The following CNTN4 variants were observed in gnomAD, a reference collection of about 807,000 sequenced individuals.
The protein encoded by CNTN4 is contactin-4.
Under a neutral mutation model 122.5 loss-of-function variants are expected in CNTN4, and 77 were observed. The observed-to-expected ratio is 0.63, with a 90% confidence interval of 0.52 to 0.76. The LOEUF is 0.76. CNTN4 is among the 30% of genes least tolerant of loss of function. The pLI, the probability that CNTN4 is intolerant of heterozygous loss-of-function variation, is 0.00. For missense variants in CNTN4, 1,256 were observed against 1,259.1 expected, an observed-to-expected ratio of 1.00 and a Z score of 0.04; for synonymous variants, 512 against 447.0, an observed-to-expected ratio of 1.15 and a Z score of -1.83.
intron 4 of CNTN4, among the ~76,000 whole-genome samples, chr3:2,683,941 A>T (rs1576449581): frequency 6.6e-6 from 1 of 152,150 alleles, no homozygotes; most frequent in Non-Finnish European, 1.5e-5. Flanking sequence ...CCTTTTAAAG[A>T]AATTCCCCAT....
chr3:2,206,318 G>A (rs2038340939), intron 2 of CNTN4, among the ~76,000 whole-genome samples: 1 of 152,058 alleles, frequency 6.6e-6, no homozygotes, highest in South Asian at 2.1e-4. Context: ...AAAGGCTTCT[G>A]TATCTAGGGA....
intron 7 of CNTN4, among the ~76,000 whole-genome samples, chr3:2,824,837 A>G (rs1317315740): frequency 6.6e-6 from 1 of 151,888 alleles, no homozygotes; most frequent in East Asian, 2.0e-4. Context: ...TAATTTTTGT[A>G]TTTTTAGTAG....
chr3:2,303,457 C>G (rs920708360), intron 2 of CNTN4, among the ~76,000 whole-genome samples: 2 of 152,116 alleles, frequency 1.3e-5, no homozygotes, highest in Non-Finnish European at 2.9e-5. Context: ...ATATGTGGTT[C>G]TTTATGACTG....
chr3:2,254,242 A>G (rs1054639194), intron 2 of CNTN4, among the ~76,000 whole-genome samples: 1 of 152,224 alleles, frequency 6.6e-6, no homozygotes, highest in East Asian at 1.9e-4. Context: ...ATGGCTGCAT[A>G]GTATTCCATG....
At chr3:2,971,175 A>C (rs1173575587) in intron 13 of CNTN4, among the ~76,000 whole-genome samples, 4 of 152,242 alleles carry the variant, frequency 2.6e-5, no homozygotes, top group African/African-American at 9.6e-5. Flanking sequence ...ATTAAGTGGA[A>C]GTGCATCATC....
rs190781135 is a variant in CNTN4, at chr3:2,509,546, G to T, written c.-88-61870G>T. Among the ~76,000 whole-genome samples the T allele has an allele frequency of 5.6e-4, 85 of 152,224 alleles. 1 individual carries two copies. Among genetic ancestry groups the T allele is most frequent in the Admixed American group, 2.0e-3 (31 of 15,294 alleles). Reference sequence around the variant, plus strand: ...CTATTGGTAATAAATCTATTCGAGGGCATGGATCTGTTTTGGGGATACTTG... The same window carrying T: ...CTATTGGTAATAAATCTATTCGAGGTCATGGATCTGTTTTGGGGATACTTG... On this transcript the variant is annotated intron_variant, in intron 3 of 24. Coordinates refer to ENST00000418658, the MANE Select transcript of CNTN4 (RefSeq NM_175607.3).
chr3:2,301,334 C>G (rs1250507919), intron 2 of CNTN4, among the ~76,000 whole-genome samples: 1 of 152,174 alleles, frequency 6.6e-6, no homozygotes, highest in African/African-American at 2.4e-5. Flanking sequence ...ATTTATTAAA[C>G]TATGAATACA....
intron 2 of CNTN4, among the ~76,000 whole-genome samples, chr3:2,295,210 G>A (rs1484892915): frequency 7.0e-6 from 1 of 142,004 alleles, no homozygotes; most frequent in Non-Finnish European, 1.5e-5. Flanking sequence ...GGATGGCTGG[G>A]TGAAATGGTA....
chr3:2,774,737 T>TA (rs2091247615), intron 6 of CNTN4, among the ~76,000 whole-genome samples: 1 of 152,202 alleles, frequency 6.6e-6, no homozygotes, highest in Admixed American at 6.5e-5. Context: ...GGATGACTGT[T>TA]ACAGCAGTTT....
At chr3:2,678,068 A>T (rs2084967599) in intron 4 of CNTN4, among the ~76,000 whole-genome samples, 1 of 152,106 alleles carries the variant, frequency 6.6e-6, no homozygotes. Flanking sequence ...TTAATAATTT[A>T]AGGTAGGAAA....
chr3:2,338,754 C>T (rs959961693), intron 2 of CNTN4, among the ~76,000 whole-genome samples: 6 of 152,076 alleles, frequency 3.9e-5, no homozygotes, highest in Non-Finnish European at 5.9e-5. Flanking sequence ...TAGGTACCCT[C>T]ATTTTATGTA....
chr3:3,017,773 G>C (rs1697901620), intron 14 of CNTN4, among the ~76,000 whole-genome samples: 1 of 152,170 alleles, frequency 6.6e-6, no homozygotes, highest in South Asian at 2.1e-4. Flanking sequence ...AAAAAACTTC[G>C]CTTATAAGAT....
At chr3:2,745,403 C>A in intron 5 of CNTN4, 119 bp from the exon 6 acceptor site, 5 of 878,632 alleles carry the variant, frequency 5.7e-6, no homozygotes, top group South Asian at 4.6e-5. Context: ...CTTAATCATG[C>A]TTTTTACAAA....
At chr3:2,192,164 A>G (rs1420574668) in intron 2 of CNTN4, among the ~76,000 whole-genome samples, 2 of 152,172 alleles carry the variant, frequency 1.3e-5, no homozygotes, top group East Asian at 1.9e-4. Flanking sequence ...AGTCTTTGCT[A>G]TTGTGAATAG....
chr3:2,499,149 T>TC (rs1402458492), intron 3 of CNTN4, among the ~76,000 whole-genome samples: 4 of 152,222 alleles, frequency 2.6e-5, no homozygotes, highest in African/African-American at 4.8e-5. Flanking sequence ...CTTGAAGATT[T>TC]TCTCTTGCAT....
rs3077120 is a variant in CNTN4 at position 2,260,732 on chromosome 3, A to ATTT, written c.-144-78438_-144-78436dup. ...TCTTTTCTTTTTATTTTATTTATTTATTTTTTTTTTGAGACAAGAGTCTCG... is the reference window on the plus strand; with the variant it reads ...TCTTTTCTTTTTATTTTATTTATTTATTTTTTTTTTTTTGAGACAAGAGTCTCG... On this transcript the variant is annotated intron_variant, in intron 2 of 24. Transcript: ENST00000418658. Among the ~76,000 whole-genome samples, 433 of 147,270 alleles carry ATTT rather than the reference A, an allele frequency of 2.9e-3. 4 individuals are homozygous for ATTT. Among genetic ancestry groups the ATTT allele is most frequent in the African/African-American group, 7.0e-3 (279 of 40,116 alleles).
At chr3:2,184,022 A>G (rs1306875759) in intron 2 of CNTN4, among the ~76,000 whole-genome samples, 2 of 151,966 alleles carry the variant, frequency 1.3e-5, no homozygotes, top group African/African-American at 4.8e-5. Context: ...CCCAGGCTAG[A>G]GTGCAGCGGC....
At chr3:2,865,929 G>T (rs768885645) in intron 7 of CNTN4, among the ~76,000 whole-genome samples, 1 of 152,150 alleles carries the variant, frequency 6.6e-6, no homozygotes, top group Non-Finnish European at 1.5e-5. Flanking sequence ...ATAAGGGTGT[G>T]TGAAAATGTT....
chr3:2,562,286 A>G (rs1380435943), intron 3 of CNTN4, among the ~76,000 whole-genome samples: 2 of 152,130 alleles, frequency 1.3e-5, no homozygotes, highest in African/African-American at 2.4e-5. Context: ...ACATAGGTAT[A>G]TTGTGTGATG....
Sources: gnomAD v4.1 joint callset for allele counts (sites outside exome capture counted in the v4.1 genomes callset) on GRCh38, gnomAD v4.1.1 for gene constraint, MANE v1.5 for transcripts, NCBI Gene and HGNC (gene_info 2026-07-23, HGNC 2026-07-21) for gene names.